The following BMP5 variants were observed in gnomAD, a reference collection of about 807,000 sequenced individuals.
The protein encoded by BMP5 is bone morphogenetic protein 5.
In BMP5, 23 loss-of-function variants were observed where a neutral mutation model predicts 46.6. The observed-to-expected ratio is 0.49, with a 90% CI of 0.35 to 0.70. The LOEUF (loss-of-function observed/expected upper bound fraction) is 0.70, where lower values mean the gene tolerates loss of function less well. Ranked by LOEUF, BMP5 falls within the 30% of genes least tolerant of loss-of-function variation. The pLI, the probability that BMP5 is intolerant of heterozygous loss-of-function variation, is 0.00. For missense variants in BMP5, 545 were observed against 565.6 expected (o/e 0.96, Z 0.37); for synonymous variants, 204 against 191.9 (o/e 1.06, Z -0.52).
intron 1 of BMP5, among the ~76,000 whole-genome samples, chr6:55,844,596 A>T (rs1777051387): frequency 6.6e-6 from 1 of 151,956 alleles, no homozygotes; most frequent in African/African-American, 2.4e-5. Flanking sequence ...AGATGCCAAA[A>T]TAGTTTACAG....
chr6:55,764,689 T>C (rs1296724390), intron 4 of BMP5, among the ~76,000 whole-genome samples: 1 of 140,842 alleles, frequency 7.1e-6, no homozygotes, highest in East Asian at 2.1e-4. Flanking sequence ...GAGAGACAAA[T>C]AACCCCTGTT....
At chr6:55,831,428 A>AG (rs1183693269) in intron 1 of BMP5, among the ~76,000 whole-genome samples, 4 of 152,112 alleles carry the variant, frequency 2.6e-5, no homozygotes, top group Non-Finnish European at 5.9e-5. Flanking sequence ...ACTAAAAAAA[A>AG]CTACTATATT....
At chr6:55,853,084 C>T (rs544407224) in intron 1 of BMP5, among the ~76,000 whole-genome samples, 2 of 150,894 alleles carry the variant, frequency 1.3e-5, no homozygotes, top group African/African-American at 4.9e-5. Flanking sequence ...GAGCCGAGAT[C>T]GCACCACTGC....
In BMP5 at chr6:55,819,820, T is replaced by C. The variant is rs749764244; in HGVS notation, c.518A>G (p.Gln173Arg). The change falls in exon 2 of 7, where the codon CAG (glutamine) becomes CGG (arginine). Residue 173 changes from glutamine to arginine, a missense_variant. Physicochemically the swap from Gln to Arg is conservative, Grantham distance 43 (BLOSUM62 1). Transcript: ENST00000370830. ...LVERDKDFSH[Q>R]RRHYKEFRFD... ...TCGAAATTCTTTGTAATGCCTTCGC[T>C]GGTGAGAAAAATCCTTGTCTCTTTC... 1 of 1,613,818 alleles carries C rather than the reference T, an allele frequency of 6.2e-7. No individual in the cohort carries two copies. Among genetic ancestry groups the C allele is most frequent in the South Asian group, 1.1e-5 (1 of 91,066 alleles).
chr6:55,808,863 G>T (rs557153147), intron 2 of BMP5, among the ~76,000 whole-genome samples: 17 of 152,130 alleles, frequency 1.1e-4, no homozygotes, highest in Admixed American at 4.6e-4. Context: ...TGCTGTTGTG[G>T]TTCTTCTCAA....
chr6:55,874,981 AT>A lies in BMP5; in HGVS notation c.-117del. ...AGTAGCTGAAAAAACAAATTTACCT[AT>A]TTTTCATGACAGTGACATTTCTGAG... On this transcript the variant is annotated 5_prime_UTR_variant, in exon 1 of 7. The change abolishes the stop of an existing upstream ORF in the 5' untranslated region. Transcript: ENST00000370830. 2 of 1,219,506 alleles carry A rather than the reference AT, an allele frequency of 1.6e-6. No individual in the cohort carries two copies. The highest frequency in any genetic ancestry group is 2.3e-6 in the Non-Finnish European group (2 of 865,894). 75.5% of individuals were successfully genotyped at this position (1,219,506 alleles called of 1,614,324 possible). A position where few individuals can be genotyped will look rare whatever the true frequency, so the allele number is the denominator to read the frequency against.
intron 2 of BMP5, among the ~76,000 whole-genome samples, chr6:55,811,427 G>GA (rs1776131660): frequency 6.6e-6 from 1 of 152,106 alleles, no homozygotes; most frequent in Non-Finnish European, 1.5e-5. Flanking sequence ...ATATATTTGT[G>GA]AAAAAATTAA....
intron 1 of BMP5, among the ~76,000 whole-genome samples, chr6:55,820,717 G>GT (rs111554504): frequency 1.7e-4 from 25 of 151,236 alleles, no homozygotes; most frequent in Middle Eastern, 3.2e-3. Flanking sequence ...TCTGCCCCGT[G>GT]TTGTTTGTTT....
At chr6:55,787,037 G>A (rs1399802780) in intron 3 of BMP5, among the ~76,000 whole-genome samples, 2 of 151,504 alleles carry the variant, frequency 1.3e-5, no homozygotes, top group Non-Finnish European at 3.0e-5. Flanking sequence ...AACAGCAGGA[G>A]AAAAAGAAAA....
intron 2 of BMP5, among the ~76,000 whole-genome samples, chr6:55,818,983 T>A (rs1322015799): frequency 1.3e-5 from 2 of 152,018 alleles, no homozygotes; most frequent in Non-Finnish European, 2.9e-5. Context: ...GATAGATAGA[T>A]AGATGGTAGA....
At chr6:55,800,493 A>T (rs1226911847) in intron 2 of BMP5, among the ~76,000 whole-genome samples, 1 of 152,202 alleles carries the variant, frequency 6.6e-6, no homozygotes, top group Non-Finnish European at 1.5e-5. Context: ...ATATCATTTG[A>T]TATGATTATA....
intron 1 of BMP5, among the ~76,000 whole-genome samples, chr6:55,863,279 T>C (rs865941230): frequency 1.1e-4 from 17 of 152,314 alleles, no homozygotes; most frequent in African/African-American, 3.8e-4. Context: ...GCCATTATTA[T>C]TGTTGTTGTT....
intron 1 of BMP5, among the ~76,000 whole-genome samples, chr6:55,854,006 T>A (rs965545750): frequency 1.3e-5 from 2 of 152,168 alleles, no homozygotes; most frequent in Non-Finnish European, 2.9e-5. Context: ...TTTGTAAGGA[T>A]ATTTTAGCAA....
chr6:55,819,721 T>G lies in BMP5; in HGVS notation c.617A>C (p.Asn206Thr). 6.2e-7 allele frequency: 1 copy of G among 1,613,928 alleles called. No individual in the cohort carries two copies. The highest frequency in any genetic ancestry group is 8.5e-7 in the Non-Finnish European group (1 of 1,179,916). ...AEFRIYKDRS[N>T]NRFENETIKI... is the part of the protein sequence containing the mutation. Reference sequence around the variant, plus strand: ...AATTGTTTCATTTTCAAATCGGTTGTTGCTCCGGTCCTTGTATATCCGGAA... The same window carrying G: ...AATTGTTTCATTTTCAAATCGGTTGGTGCTCCGGTCCTTGTATATCCGGAA... The change falls in exon 2 of 7, where the codon AAC becomes ACC. Residue 206 changes from asparagine (N) to threonine (T), a missense_variant. Asn to Thr is a moderately conservative substitution (Grantham distance 65). Coordinates refer to ENST00000370830, the MANE Select transcript of BMP5 (RefSeq NM_021073.4).
Position 55,764,164 on chromosome 6 carries a change from C to T in BMP5, c.1028-3631G>A, listed in dbSNP as rs368044811. ...TAAGTTGAAGATACATCTGCACTCC[C>T]ATATTGATTGCAGCACTATTCACAA... is the stretch of plus-strand genomic sequence containing the variant. On this transcript the variant is annotated intron_variant, in intron 4 of 6. Coordinates refer to ENST00000370830, the MANE Select transcript of BMP5 (RefSeq NM_021073.4). 7.5e-4 allele frequency among the ~76,000 whole-genome samples: 114 copies of T among 152,274 alleles called. 2 individuals are homozygous for T. The South Asian group carries it at 0.024, about 32-fold the overall frequency.
chr6:55,824,132 G>A (rs2127540054), intron 1 of BMP5, among the ~76,000 whole-genome samples: 1 of 151,994 alleles, frequency 6.6e-6, no homozygotes. Context: ...TTAAATGTCA[G>A]CTTTTTAAGA....
intron 1 of BMP5, among the ~76,000 whole-genome samples, chr6:55,836,542 T>G (rs1312281761): frequency 6.6e-6 from 1 of 152,036 alleles, no homozygotes; most frequent in African/African-American, 2.4e-5. Flanking sequence ...CTACTGACTT[T>G]GTAGATTGCC....
intron 4 of BMP5, among the ~76,000 whole-genome samples, chr6:55,768,682 G>C (rs940721814): frequency 1.3e-5 from 2 of 151,876 alleles, no homozygotes; most frequent in Admixed American, 1.3e-4. Context: ...ATTATTTTTC[G>C]AAGATTCTCA....
chr6:55,780,690 A>G (rs1314438581), intron 3 of BMP5, among the ~76,000 whole-genome samples: 1 of 152,052 alleles, frequency 6.6e-6, no homozygotes, highest in East Asian at 1.9e-4. Context: ...CTTAGAAAAG[A>G]AACGGGATAT....
Sources: gnomAD v4.1 joint callset for allele counts (sites outside exome capture counted in the v4.1 genomes callset) on GRCh38, gnomAD v4.1.1 for gene constraint, MANE v1.5 for transcripts, NCBI Gene and HGNC (gene_info 2026-07-23, HGNC 2026-07-21) for gene names.